The following UNC5D variants were observed in gnomAD, a reference collection of about 807,000 sequenced individuals.
UNC5D encodes netrin receptor UNC5D.
UNC5D carries 39 observed loss-of-function variants against 105.4 expected under a neutral mutation model. That is an observed-to-expected ratio of 0.37 (90% CI 0.29 to 0.48). The LOEUF is 0.48. Ranked by LOEUF, UNC5D falls within the 20% of genes least tolerant of loss-of-function variation. The pLI is 0.98. For missense variants in UNC5D, 991 were observed against 1,202.4 expected, an observed-to-expected ratio of 0.82 and a Z score of 2.60; for synonymous variants, 452 against 450.4, an observed-to-expected ratio of 1.00 and a Z score of -0.04.
chr8:35,657,080 G>GTATGTA (rs1554581698), intron 4 of UNC5D, among the ~76,000 whole-genome samples: 7 of 46,516 alleles, frequency 1.5e-4, no homozygotes, highest in Non-Finnish European at 2.2e-4. Context: ...GTGTGTGTGT[G>GTATGTA]TATATATATA....
chr8:35,592,760 C>T (rs764472429), intron 3 of UNC5D, among the ~76,000 whole-genome samples: 6 of 152,058 alleles, frequency 3.9e-5, no homozygotes, highest in Non-Finnish European at 7.4e-5. Context: ...AACAGGTCGG[C>T]GGCCTGTTAC....
rs576763404 is a variant in UNC5D, at chr8:35,564,451, T to C, written c.323-3647T>C. 3.9e-5 allele frequency among the ~76,000 whole-genome samples: 6 copies of C among 152,294 alleles called. 1 individual carries two copies. Among genetic ancestry groups the C allele is most frequent in the Admixed American group, 1.3e-4 (2 of 15,292 alleles). On this transcript the variant is annotated intron_variant, in intron 2 of 16. Coordinates refer to ENST00000404895, the MANE Select transcript of UNC5D (RefSeq NM_080872.4). The stretch of plus-strand genomic sequence containing the variant: ...GATGGATGTTCTCTCTCCCACCTTT[T>C]ACTCTTTAAAGGAGCTCATCGACCG...
rs115707778 is a variant in UNC5D, at chr8:35,634,497, T to G, written c.570+38840T>G. Among the ~76,000 whole-genome samples, 1,268 of 152,254 alleles carry G rather than the reference T, an allele frequency of 8.3e-3. 18 individuals carry two copies. Among genetic ancestry groups the G allele is most frequent in the African/African-American group, 0.029 (1,213 of 41,532 alleles). On this transcript the variant is annotated intron_variant, in intron 4 of 16. Transcript: ENST00000404895. ...CAACTAGATAGCTCCTGTTAGAGCT[T>G]TGTGAATTCATTTCCTGGGCTGACA...
intron 14 of UNC5D, among the ~76,000 whole-genome samples, chr8:35,764,317 G>A (rs189132947): frequency 2.6e-5 from 4 of 152,292 alleles, no homozygotes; most frequent in African/African-American, 7.2e-5. Context: ...CAGAGATGAT[G>A]TTTTTGGAGT....
intron 3 of UNC5D, among the ~76,000 whole-genome samples, chr8:35,590,066 T>A (rs1434551405): frequency 6.6e-6 from 1 of 152,168 alleles, no homozygotes; most frequent in African/African-American, 2.4e-5. Flanking sequence ...GAATAATTAG[T>A]GATTTGGTCC....
intron 1 of UNC5D, among the ~76,000 whole-genome samples, chr8:35,383,356 A>C (rs1452081352): frequency 6.6e-6 from 1 of 152,234 alleles, no homozygotes; most frequent in Non-Finnish European, 1.5e-5. Flanking sequence ...TACGTAATAT[A>C]GTAATTAGAT....
intron 1 of UNC5D, among the ~76,000 whole-genome samples, chr8:35,436,253 G>A (rs1298328631): frequency 2.0e-5 from 3 of 151,748 alleles, no homozygotes; most frequent in Admixed American, 1.3e-4. Flanking sequence ...TTATACACTG[G>A]GGTCTATAAG....
rs533313697 is a variant in UNC5D, at chr8:35,567,778, C to A, written c.323-320C>A. On this transcript the variant is annotated intron_variant, in intron 2 of 16. Coordinates refer to ENST00000404895, the MANE Select transcript of UNC5D (RefSeq NM_080872.4). ...GAGGCCTCTTTGGCTTGGAGAATCCCAGCAATCAACATTGTGTAAAATCTA... is the reference window on the plus strand; with the variant it reads ...GAGGCCTCTTTGGCTTGGAGAATCCAAGCAATCAACATTGTGTAAAATCTA... Among the ~76,000 whole-genome samples the A allele has an allele frequency of 1.2e-4, 18 of 152,212 alleles. No homozygotes were observed. The South Asian group carries it at 3.7e-3, about 32-fold the overall frequency.
chr8:35,460,681 C>A (rs1303503583), intron 1 of UNC5D, among the ~76,000 whole-genome samples: 2 of 152,226 alleles, frequency 1.3e-5, no homozygotes, highest in Non-Finnish European at 2.9e-5. Context: ...TAAAGATCTG[C>A]AAGCTGCTTG....
intron 1 of UNC5D, among the ~76,000 whole-genome samples, chr8:35,355,094 G>A (rs1467752174): frequency 1.3e-5 from 2 of 152,102 alleles, no homozygotes; most frequent in African/African-American, 4.8e-5. Flanking sequence ...ATATTCTATT[G>A]GTTAGTGCAG....
chr8:35,584,824 A>G (rs373950552), intron 3 of UNC5D, among the ~76,000 whole-genome samples: 2 of 152,088 alleles, frequency 1.3e-5, no homozygotes, highest in Non-Finnish European at 2.9e-5. Context: ...TGTGTTTCTT[A>G]TTCTTCAAGC....
At chr8:35,424,536 G>T (rs28535952) in intron 1 of UNC5D, among the ~76,000 whole-genome samples, 3,632 of 152,302 alleles carry the variant, frequency 0.024, 147 homozygotes, top group African/African-American at 0.084. Flanking sequence ...TGTGTTTCTT[G>T]TGTCAGCTAC....
chr8:35,618,160 C>G (rs1374110482), intron 4 of UNC5D, among the ~76,000 whole-genome samples: 1 of 152,136 alleles, frequency 6.6e-6, no homozygotes, highest in Non-Finnish European at 1.5e-5. Context: ...ATAATACCAC[C>G]AGAACTTGAC....
chr8:35,363,014 G>A (rs757153567), intron 1 of UNC5D, among the ~76,000 whole-genome samples: 7 of 152,058 alleles, frequency 4.6e-5, no homozygotes, highest in Non-Finnish European at 7.4e-5. Context: ...CCCGGGTCAC[G>A]TGTTGCAAGT....
intron 1 of UNC5D, among the ~76,000 whole-genome samples, chr8:35,333,636 C>T (rs894526686): frequency 1.3e-5 from 2 of 152,032 alleles, no homozygotes; most frequent in Non-Finnish European, 2.9e-5. Flanking sequence ...CTTTCCCCCA[C>T]GCCCGGCTAA....
chr8:35,264,931 C>T (rs1804754100), intron 1 of UNC5D, among the ~76,000 whole-genome samples: 1 of 152,116 alleles, frequency 6.6e-6, no homozygotes, highest in South Asian at 2.1e-4. Flanking sequence ...CACTGATCTG[C>T]ATAAAATGGG....
chr8:35,518,136 G>A (rs145556390), intron 1 of UNC5D, among the ~76,000 whole-genome samples: 99 of 152,154 alleles, frequency 6.5e-4, no homozygotes, highest in African/African-American at 2.4e-3. Flanking sequence ...AAGCACTTGT[G>A]TATCTTTAAC....
intron 1 of UNC5D, among the ~76,000 whole-genome samples, chr8:35,491,143 C>T (rs1307798142): frequency 4.6e-5 from 7 of 152,022 alleles, no homozygotes; most frequent in Non-Finnish European, 7.4e-5. Flanking sequence ...TGTTTATATT[C>T]AGGTAATTGG....
At chr8:35,257,404 G>T (rs1215379212) in intron 1 of UNC5D, among the ~76,000 whole-genome samples, 3 of 152,112 alleles carry the variant, frequency 2.0e-5, no homozygotes, top group Non-Finnish European at 2.9e-5. Flanking sequence ...TGGGGCACTG[G>T]TCTGCCAGCA....
Sources: allele counts gnomAD v4.1 joint callset (sites outside exome capture counted in the v4.1 genomes callset), GRCh38; gene constraint gnomAD v4.1.1; transcripts MANE v1.5; gene names NCBI Gene and HGNC (gene_info 2026-07-23, HGNC 2026-07-21).